Variants in RUNDC3B observed in about 807,000 individuals in gnomAD.
RUNDC3B encodes the protein RUN domain containing 3B.
RUNDC3B carries 33 observed loss-of-function variants against 58.4 expected under a neutral mutation model. That is an observed-to-expected ratio of 0.56 (90% CI 0.43 to 0.75). The LOEUF (loss-of-function observed/expected upper bound fraction) is 0.75, where lower values mean the gene tolerates loss of function less well. RUNDC3B is among the 30% of genes least tolerant of loss of function. The pLI, the probability that RUNDC3B is intolerant of heterozygous loss-of-function variation, is 0.00. For missense variants in RUNDC3B, 501 were observed against 535.7 expected (o/e 0.94, Z 0.64); for synonymous variants, 193 against 195.2 (o/e 0.99, Z 0.10).
chr7:87,734,837 G>GA (rs1256773801), intron 4 of RUNDC3B, among the ~76,000 whole-genome samples: 4 of 152,056 alleles, frequency 2.6e-5, no homozygotes, highest in Admixed American at 2.6e-4. Context: ...CATCGTTCTT[G>GA]AAAAAATCTC....
At chr7:87,671,009 G>T (rs1825775318) in intron 2 of RUNDC3B, among the ~76,000 whole-genome samples, 1 of 152,220 alleles carries the variant, frequency 6.6e-6, no homozygotes, top group Non-Finnish European at 1.5e-5. Flanking sequence ...AGGCAGCAGA[G>T]AAAGGGATCT....
At chr7:87,694,781 C>G (rs1004278110) in intron 2 of RUNDC3B, among the ~76,000 whole-genome samples, 2 of 152,118 alleles carry the variant, frequency 1.3e-5, no homozygotes, top group Admixed American at 6.6e-5. Flanking sequence ...CGTTTGTTCT[C>G]CATTTCAGAG....
intron 9 of RUNDC3B, among the ~76,000 whole-genome samples, chr7:87,811,329 T>C (rs1254170635): frequency 6.6e-6 from 1 of 150,604 alleles, no homozygotes; most frequent in Non-Finnish European, 1.5e-5. Context: ...ATCTACTATT[T>C]AGGCTTTTAA....
chr7:87,632,015 G>A (rs1821271745), intron 1 of RUNDC3B, among the ~76,000 whole-genome samples: 1 of 151,746 alleles, frequency 6.6e-6, no homozygotes, highest in Non-Finnish European at 1.5e-5. Flanking sequence ...AATTACGTAT[G>A]TGCATTTTTC....
At chr7:87,699,730 C>A (rs1828850340) in intron 2 of RUNDC3B, among the ~76,000 whole-genome samples, 1 of 152,108 alleles carries the variant, frequency 6.6e-6, no homozygotes, top group Non-Finnish European at 1.5e-5. Flanking sequence ...ACTAATATAA[C>A]CTATGCACAA....
At chr7:87,700,019 T>G (rs979806057) in intron 2 of RUNDC3B, among the ~76,000 whole-genome samples, 1 of 152,198 alleles carries the variant, frequency 6.6e-6, no homozygotes, top group Non-Finnish European at 1.5e-5. Flanking sequence ...TTCTGTTTTT[T>G]TAAATAGAGA....
chr7:87,816,227 A>T lies in RUNDC3B; in HGVS notation c.1190A>T (p.Asp397Val), dbSNP rs768751804. 10 of 1,611,924 alleles carry T rather than the reference A, an allele frequency of 6.2e-6. No homozygotes were observed. Among genetic ancestry groups the T allele is most frequent in the Non-Finnish European group, 7.6e-6 (9 of 1,178,346 alleles). ...SLDPGQSQEG[D>V]GKQDTLNVMS... Reference sequence around the variant, plus strand: ...GATCCAGGCCAGTCACAAGAAGGAGATGGAAAACAAGACACATTAAATGTA... The same window carrying T: ...GATCCAGGCCAGTCACAAGAAGGAGTTGGAAAACAAGACACATTAAATGTA... The change falls in exon 10 of 11, where the codon GAT becomes GTT. Residue 397 changes from aspartate (D) to valine (V), a missense_variant. Physicochemically the swap from Asp to Val is radical, Grantham distance 152. Coordinates refer to ENST00000394654, the MANE Select transcript of RUNDC3B (RefSeq NM_001134405.2).
intron 6 of RUNDC3B, among the ~76,000 whole-genome samples, chr7:87,751,137 A>C (rs1003006214): frequency 6.6e-6 from 1 of 152,192 alleles, no homozygotes; most frequent in African/African-American, 2.4e-5. Flanking sequence ...TAAATAGGGA[A>C]TCCTTTCCCC....
intron 7 of RUNDC3B, among the ~76,000 whole-genome samples, chr7:87,773,673 T>C (rs1225350542): frequency 6.6e-6 from 1 of 151,610 alleles, no homozygotes; most frequent in African/African-American, 2.4e-5. Flanking sequence ...TTTGTTTTGT[T>C]TTGTTTTGTT....
chr7:87,651,887 G>T (rs1023820518), intron 2 of RUNDC3B, among the ~76,000 whole-genome samples: 2 of 152,032 alleles, frequency 1.3e-5, no homozygotes, highest in African/African-American at 4.8e-5. Context: ...TTTAAAACGG[G>T]GTTTGTAAAA....
chr7:87,687,529 C>T (rs772964485), intron 2 of RUNDC3B, among the ~76,000 whole-genome samples: 10 of 152,144 alleles, frequency 6.6e-5, no homozygotes, highest in African/African-American at 1.7e-4. Flanking sequence ...TCCACTAAAA[C>T]GTAAGCTTTA....
chr7:87,790,037 T>C (rs567650206), intron 8 of RUNDC3B, among the ~76,000 whole-genome samples: 1 of 152,204 alleles, frequency 6.6e-6, no homozygotes, highest in East Asian at 1.9e-4. Flanking sequence ...TGAACATAGG[T>C]GGTAGTCTGG....
intron 6 of RUNDC3B, among the ~76,000 whole-genome samples, chr7:87,758,661 T>G (rs1833508951): frequency 6.6e-6 from 1 of 152,152 alleles, no homozygotes; most frequent in Non-Finnish European, 1.5e-5. Flanking sequence ...TTAAAAAGTG[T>G]GCAAAAGATC....
At chr7:87,813,942 C>G (rs888184085) in intron 9 of RUNDC3B, among the ~76,000 whole-genome samples, 36 of 150,666 alleles carry the variant, frequency 2.4e-4, no homozygotes, top group Non-Finnish European at 1.0e-4. Context: ...GATCGCGCCA[C>G]TGCACTCCAG....
chr7:87,666,845 A>G (rs1197509544), intron 2 of RUNDC3B, among the ~76,000 whole-genome samples: 1 of 152,018 alleles, frequency 6.6e-6, no homozygotes, highest in Non-Finnish European at 1.5e-5. Flanking sequence ...CCATTGGTCT[A>G]TGTGCCTGTT....
chr7:87,762,997 G>T (rs1027751680), intron 6 of RUNDC3B, among the ~76,000 whole-genome samples: 1 of 151,156 alleles, frequency 6.6e-6, no homozygotes, highest in South Asian at 2.1e-4. Context: ...CTATGACTTT[G>T]CATTTCTTTT....
chr7:87,700,915 C>T (rs1211169896), intron 3 of RUNDC3B, among the ~76,000 whole-genome samples: 2 of 152,202 alleles, frequency 1.3e-5, no homozygotes, highest in Admixed American at 6.5e-5. Flanking sequence ...AATGCAGTGA[C>T]ATCAAACTGT....
At chr7:87,766,773 T>C (rs1369867394) in intron 6 of RUNDC3B, among the ~76,000 whole-genome samples, 1 of 152,126 alleles carries the variant, frequency 6.6e-6, no homozygotes, top group East Asian at 1.9e-4. Flanking sequence ...ATTTCTTGTA[T>C]CTGAATGGCT....
chr7:87,652,220 A>G (rs902846193), intron 2 of RUNDC3B, among the ~76,000 whole-genome samples: 2 of 152,104 alleles, frequency 1.3e-5, no homozygotes, highest in African/African-American at 4.8e-5. Context: ...TTGATCTGGT[A>G]TATCATTTAG....
Sources: gnomAD v4.1 joint callset for allele counts (sites outside exome capture counted in the v4.1 genomes callset) on GRCh38, gnomAD v4.1.1 for gene constraint, MANE v1.5 for transcripts, NCBI Gene and HGNC (gene_info 2026-07-23, HGNC 2026-07-21) for gene names.